Variants in FLNB observed in about 807,000 individuals in gnomAD.
The protein encoded by FLNB is filamin B.
A neutral mutation model predicts 250.6 loss-of-function variants in FLNB; 111 were observed. The ratio of observed to expected loss-of-function variants is 0.44; its 90% CI spans 0.38 to 0.52. FLNB has a LOEUF of 0.52. Ranked by LOEUF, FLNB falls within the 20% of genes least tolerant of loss-of-function variation. The pLI, the probability that FLNB is intolerant of heterozygous loss-of-function variation, is 0.00. For missense variants in FLNB, 2,869 were observed against 3,447.8 expected (o/e 0.83, Z 4.20); for synonymous variants, 1,302 against 1,372.1 (o/e 0.95, Z 1.13).
chr3:58,076,659 A>G (rs916583374), intron 1 of FLNB, among the ~76,000 whole-genome samples: 11 of 147,396 alleles, frequency 7.5e-5, no homozygotes, highest in Non-Finnish European at 1.3e-4. Context: ...GAGTTTTGCC[A>G]TGTTGCCCAG....
intron 1 of FLNB, among the ~76,000 whole-genome samples, chr3:58,030,031 C>T (rs1465880635): frequency 1.3e-5 from 2 of 152,198 alleles, no homozygotes; most frequent in South Asian, 2.1e-4. Flanking sequence ...GGTAATCTTA[C>T]ACTTCCCCAA....
chr3:58,025,509 A>C (rs747641935), intron 1 of FLNB, among the ~76,000 whole-genome samples: 4 of 152,050 alleles, frequency 2.6e-5, no homozygotes, highest in Non-Finnish European at 5.9e-5. Context: ...CAGCAGCGGC[A>C]GTAAGGTCCT....
intron 4 of FLNB, among the ~76,000 whole-genome samples, chr3:58,092,950 A>G (rs1347890365): frequency 6.6e-6 from 1 of 152,162 alleles, no homozygotes; most frequent in South Asian, 2.1e-4. Flanking sequence ...CAATTCTGAC[A>G]CTATCTACCT....
chr3:58,118,960 G>A lies in FLNB; in HGVS notation c.2834G>A (p.Ser945Asn). Residue 945 changes from serine (S) to asparagine (N), a missense_variant, in exon 19 of 46, where the codon AGC (serine) becomes AAC (asparagine). Ser to Asn is a conservative substitution (Grantham distance 46). Around this residue, in one of 5 missense-constraint regions of FLNB, gnomAD observed 1,348 missense variants for 1,466.7 expected, o/e 0.92. Coordinates refer to ENST00000295956, the MANE Select transcript of FLNB (RefSeq NM_001457.4). ...TVGVAAPLDLSKIKLNGLENR... is the reference protein window; with the variant it reads ...TVGVAAPLDLNKIKLNGLENR... ...GGTGTTGCTGCACCGCTGGATCTGA[G>A]CAAGATAAAACTCAATGGGCTGGAA... 6.2e-7 allele frequency: 1 copy of A among 1,614,036 alleles called. No individual in the cohort carries two copies. Among genetic ancestry groups the A allele is most frequent in the Non-Finnish European group, 8.5e-7 (1 of 1,179,918 alleles).
intron 1 of FLNB, among the ~76,000 whole-genome samples, chr3:58,041,634 A>G (rs1408133272): frequency 6.6e-6 from 1 of 152,204 alleles, no homozygotes; most frequent in East Asian, 1.9e-4. Flanking sequence ...CACTGCAGTC[A>G]CTGGGCCGGG....
chr3:58,040,503 A>G (rs548061073), intron 1 of FLNB, among the ~76,000 whole-genome samples: 2 of 151,862 alleles, frequency 1.3e-5, no homozygotes, highest in South Asian at 4.2e-4. Context: ...TCTTTTTTTT[A>G]TTGTTGTTGA....
intron 4 of FLNB, among the ~76,000 whole-genome samples, chr3:58,091,320 G>A (rs2097226887): frequency 6.6e-6 from 1 of 152,216 alleles, no homozygotes; most frequent in African/African-American, 2.4e-5. Flanking sequence ...CAGAAGTCCA[G>A]ATTTTGTAGT....
intron 1 of FLNB, among the ~76,000 whole-genome samples, chr3:58,066,327 C>T (rs773778801): frequency 6.6e-6 from 1 of 150,858 alleles, no homozygotes; most frequent in Non-Finnish European, 1.5e-5. Context: ...TCAAGCTATT[C>T]TCCTGCCTCG....
rs1330154463 is a variant in FLNB, at chr3:58,138,272, T to G, written c.4862-10T>G. 6.2e-7 allele frequency: 1 copy of G among 1,613,360 alleles called. No homozygotes were observed. The highest frequency in any genetic ancestry group is 1.7e-5 in the Admixed American group (1 of 60,010). On this transcript the variant is annotated splice_polypyrimidine_tract_variant and intron_variant, in intron 28 of 45. Transcript: ENST00000295956. ...ATACTTCCATTCTCTTCCCCTGAAC[T>G]CTTCTCCAGGTCCTGGAATCGCCTC...
At position 58,170,767 on chromosome 3, in the gene FLNB, G is replaced by C. The variant is rs766066831; in HGVS notation, c.*5G>C. On this transcript the variant is annotated 3_prime_UTR_variant, in exon 46 of 46. Coordinates refer to ENST00000295956, the MANE Select transcript of FLNB (RefSeq NM_001457.4). ...TTTCATGTCACAGTGCCTTAAAACA[G>C]TTTTCTCAAATCCTGGAGAGAGTTC... 8.1e-6 allele frequency: 13 copies of C among 1,613,436 alleles called. No homozygotes were observed. The African/African-American group carries it at 1.6e-4, about 20-fold the overall frequency.
chr3:58,116,780 G>T (rs748728629), intron 18 of FLNB, among the ~76,000 whole-genome samples: 1 of 152,112 alleles, frequency 6.6e-6, no homozygotes, highest in Non-Finnish European at 1.5e-5. Context: ...ATTTCTCACC[G>T]CACGTTCCCC....
intron 1 of FLNB, among the ~76,000 whole-genome samples, chr3:58,060,672 G>A (rs1183652771): frequency 6.7e-6 from 1 of 149,318 alleles, no homozygotes; most frequent in African/African-American, 2.5e-5. Flanking sequence ...AATTAGCTGG[G>A]CGTGGTGGCA....
Position 58,169,828 on chromosome 3 carries a change from G to GGC in FLNB, c.7621+35_7621+36insGC. On this transcript the variant is annotated intron_variant, in intron 45 of 45. Transcript: ENST00000295956. This position sits in a 1 kb window ranked among gnomAD's most constrained non-coding sequence, Gnocchi z 4.8. ...TGGGCCTTTTCAAGGGTGGGGTGGGGCAGGGGCAGGCTGGGCACCCTGGGT... is the reference window on the plus strand; with the variant it reads ...TGGGCCTTTTCAAGGGTGGGGTGGGGGCCAGGGGCAGGCTGGGCACCCTGGGT... 2.5e-6 allele frequency: 3 copies of GGC among 1,198,368 alleles called. No individual in the cohort carries two copies. Among genetic ancestry groups the GGC allele is most frequent in the Non-Finnish European group, 3.7e-6 (3 of 812,020 alleles). The allele number at this position is 1,198,368 out of a possible 1,614,324, so 74.2% of individuals were successfully genotyped here.
chr3:58,149,718 G>C (rs1356151558), intron 36 of FLNB, 132 bp from the exon 37 acceptor site: 2 of 1,171,964 alleles, frequency 1.7e-6, no homozygotes, highest in East Asian at 2.5e-5. Context: ...TTGCAAACGA[G>C]GCCGCCATTG....
At chr3:58,053,251 T>A (rs1450699953) in intron 1 of FLNB, among the ~76,000 whole-genome samples, 1 of 152,188 alleles carries the variant, frequency 6.6e-6, no homozygotes, top group Non-Finnish European at 1.5e-5. Context: ...TTATTATTAT[T>A]TTTTAGAAAG....
intron 18 of FLNB, among the ~76,000 whole-genome samples, chr3:58,114,717 T>TTTG (rs986565178): frequency 7.3e-5 from 11 of 150,480 alleles, no homozygotes; most frequent in African/African-American, 1.7e-4. Context: ...GTTTTTTTTT[T>TTTG]TTGTTGTTGT....
chr3:58,096,472 A>C (rs1385207555), intron 6 of FLNB, among the ~76,000 whole-genome samples: 1 of 152,110 alleles, frequency 6.6e-6, no homozygotes, highest in Non-Finnish European at 1.5e-5. Context: ...TCTGGAGTGT[A>C]GATGCTGTGG....
intron 4 of FLNB, among the ~76,000 whole-genome samples, chr3:58,089,001 G>A (rs910519834): frequency 6.6e-6 from 1 of 151,952 alleles, no homozygotes; most frequent in African/African-American, 2.4e-5. Flanking sequence ...AACAAGGTGT[G>A]TACCCTTCCC....
intron 1 of FLNB, among the ~76,000 whole-genome samples, chr3:58,045,273 T>C (rs1346567736): frequency 6.6e-6 from 1 of 152,130 alleles, no homozygotes; most frequent in Non-Finnish European, 1.5e-5. Flanking sequence ...CATGATCAGT[T>C]TGAAAATGAC....
Sources: gnomAD v4.1 joint callset for allele counts (sites outside exome capture counted in the v4.1 genomes callset) on GRCh38, gnomAD v4.1.1 for gene constraint, gnomAD v4.1.1 regional missense constraint, Gnocchi (gnomAD v3.1) non-coding constraint, MANE v1.5 for transcripts, NCBI Gene and HGNC (gene_info 2026-07-23, HGNC 2026-07-21) for gene names.